The following CAVIN4 variants were observed in gnomAD, a reference collection of about 807,000 sequenced individuals.
CAVIN4 encodes the protein caveolae associated protein 4, also known as caveolae-associated protein 4.
CAVIN4 carries 10 observed loss-of-function variants against 18.6 expected under a neutral mutation model. The observed-to-expected ratio is 0.54, with a 90% CI of 0.33 to 0.91. CAVIN4 has a LOEUF of 0.91. CAVIN4 is among the 40% of genes least tolerant of loss of function. The pLI, the probability that CAVIN4 is intolerant of heterozygous loss-of-function variation, is 0.02. For synonymous variants in CAVIN4, 173 were observed against 164.8 expected (o/e 1.05, Z -0.38); for missense variants, 459 against 440.5 (o/e 1.04, Z -0.38).
At chr9:100,580,051 A>G (rs1045735392) in intron 1 of CAVIN4, among the ~76,000 whole-genome samples, 7 of 151,474 alleles carry the variant, frequency 4.6e-5, no homozygotes, top group East Asian at 3.9e-4. Flanking sequence ...CTTTCCTTTC[A>G]TGTCCCTGGA....
At position 100,583,944 on chromosome 9, in the gene CAVIN4, T is replaced by C. The variant is rs116148416; in HGVS notation, c.409-1821T>C. 6.9e-3 allele frequency among the ~76,000 whole-genome samples: 1,045 copies of C among 152,250 alleles called. 12 individuals carry two copies. Among genetic ancestry groups the C allele is most frequent in the African/African-American group, 0.023 (974 of 41,542 alleles). On this transcript the variant is annotated intron_variant, in intron 1 of 1. Coordinates refer to ENST00000307584, the MANE Select transcript of CAVIN4 (RefSeq NM_001018116.2). ...ACAGGTGTGAGCCACTGCACCCGGCTTCCTGCAAGGCTTTTAGAAGACTTC... is the reference window on the plus strand; with the variant it reads ...ACAGGTGTGAGCCACTGCACCCGGCCTCCTGCAAGGCTTTTAGAAGACTTC...
chr9:100,587,747 G>A lies in CAVIN4; in HGVS notation c.*1296G>A, dbSNP rs1031473228. On this transcript the variant is annotated 3_prime_UTR_variant, in exon 2 of 2. Transcript: ENST00000307584. ...GACTCTACTGAAAATACAAAAATTA[G>A]CTGGGCATGGTGGCATGCGCCTGTC... 1.3e-5 allele frequency: 2 copies of A among 152,208 alleles called. No individual in the cohort carries two copies. The highest frequency in any genetic ancestry group is 2.9e-5 in the Non-Finnish European group (2 of 68,100). The allele number at this position is 152,208 out of a possible 1,614,324, so 9.4% of individuals were successfully genotyped here.
Position 100,583,175 on chromosome 9 carries a change from C to T in CAVIN4, c.409-2590C>T, listed in dbSNP as rs374514079. ...CCTAAATTTGGGTGTCTAGCCCAGC[C>T]CTCTCTTCTGAATTCCAGACTCATC... On this transcript the variant is annotated intron_variant, in intron 1 of 1. Transcript: ENST00000307584. Among the ~76,000 whole-genome samples, 3 of 152,264 alleles carry T rather than the reference C, an allele frequency of 2.0e-5. No homozygotes were observed. In the East Asian group the frequency reaches 5.8e-4, roughly 29 times the overall value.
At chr9:100,581,330 C>G (rs891095835) in intron 1 of CAVIN4, 8 of 152,398 alleles carry the variant, frequency 5.2e-5, no homozygotes, top group Admixed American at 5.2e-4. Context: ...CTGAATCAAC[C>G]CTGGCAATCA....
chr9:100,581,778 G>A (rs1289300509), intron 1 of CAVIN4, among the ~76,000 whole-genome samples: 1 of 151,996 alleles, frequency 6.6e-6, no homozygotes, highest in African/African-American at 2.4e-5. Context: ...ATTAACTTTT[G>A]GCTCTTTCGT....
At chr9:100,583,383 G>T (rs779924923) in intron 1 of CAVIN4, among the ~76,000 whole-genome samples, 28 of 152,004 alleles carry the variant, frequency 1.8e-4, no homozygotes, top group Non-Finnish European at 3.5e-4. Flanking sequence ...TGACACTCTG[G>T]CACTCCACAT....
In CAVIN4 at chr9:100,585,740, A is replaced by T. The variant is rs756560735; in HGVS notation, c.409-25A>T. ...TCTATAGTGCAAAGGAAGCACTAAT[A>T]TGCTTTGTTTTTTCTCTCCTTCAGG... On this transcript the variant is annotated intron_variant, in intron 1 of 1. Transcript: ENST00000307584. The T allele has an allele frequency of 5.7e-6, 9 of 1,584,514 alleles. 1 individual carries two copies. In the Admixed American group the frequency reaches 6.7e-5, roughly 12 times the overall value.
In CAVIN4 at chr9:100,582,340, C is replaced by T. The variant is rs536690340; in HGVS notation, c.409-3425C>T. 3.9e-4 allele frequency among the ~76,000 whole-genome samples: 59 copies of T among 151,096 alleles called. No homozygotes were observed. In the East Asian group the frequency reaches 5.8e-3, roughly 15 times the overall value. On this transcript the variant is annotated intron_variant, in intron 1 of 1. Transcript: ENST00000307584. ...ATTTGACACGATTGGACCTCTTTCT[C>T]TCTCTCTCTCTCTCTCTTTTAAAGA...
Position 100,585,804 on chromosome 9 carries a change from G to A in CAVIN4, c.448G>A (p.Asp150Asn), listed in dbSNP as rs1328729739. The part of the protein sequence containing the change: ...RCPTSLSVVK[D>N]RNLTENQEED... ...TCCGACATCCCTGTCTGTTGTTAAA[G>A]ACAGAAACCTAACTGAGAACCAAGA... is the stretch of plus-strand genomic sequence containing the variant. The change falls in exon 2 of 2, where the codon GAC becomes AAC. Residue 150 changes from aspartate (D) to asparagine (N), a missense_variant. Transcript: ENST00000307584. The A allele has an allele frequency of 6.2e-7, 1 of 1,614,156 alleles. No individual in the cohort carries two copies. The highest frequency in any genetic ancestry group is 8.5e-7 in the Non-Finnish European group (1 of 1,180,036).
At chr9:100,577,995 G>T, upstream of CAVIN4, 1 of 692,194 alleles carries the variant, frequency 1.4e-6, no homozygotes, top group Non-Finnish European at 2.5e-6. Context: ...TCACATATGG[G>T]TATTTGTAGT....
chr9:100,585,914 G>T lies in CAVIN4; in HGVS notation c.558G>T (p.Arg186Ser). 6.2e-7 allele frequency: 1 copy of T among 1,614,160 alleles called. No individual in the cohort carries two copies. The highest frequency in any genetic ancestry group is 8.5e-7 in the Non-Finnish European group (1 of 1,180,036). ...EYYVEESRSA[R>S]LRKSGKEHID... ...ATGTTGAAGAAAGCAGATCTGCCAG[G>T]CTTAGGAAGTCAGGCAAGGAGCACA... The change falls in exon 2 of 2, where the codon AGG becomes AGT. Residue 186 changes from arginine to serine, a missense_variant. By Grantham distance (110) the Arg-to-Ser change is moderately radical. Coordinates refer to ENST00000307584, the MANE Select transcript of CAVIN4 (RefSeq NM_001018116.2).
rs1329938246 is a variant in CAVIN4 at position 100,586,292 on chromosome 9, T to A, written c.936T>A (p.Asp312Glu). 6.2e-7 allele frequency: 1 copy of A among 1,612,400 alleles called. No individual in the cohort carries two copies. The highest frequency in any genetic ancestry group is 8.5e-7 in the Non-Finnish European group (1 of 1,179,040). Residue 312 changes from aspartate (D) to glutamate (E), a missense_variant, in exon 2 of 2, where the codon GAT becomes GAA. By Grantham distance (45) the Asp-to-Glu change is conservative. Coordinates refer to ENST00000307584, the MANE Select transcript of CAVIN4 (RefSeq NM_001018116.2). ...SLGPISELYS[D>E]ELSEPEHEAA... ...GCCCCATCAGTGAGCTCTACTCTGA[T>A]GAGCTCAGTGAACCAGAACACGAGG...
chr9:100,585,170 C>T (rs568503941), intron 1 of CAVIN4, among the ~76,000 whole-genome samples: 7 of 151,964 alleles, frequency 4.6e-5, no homozygotes, highest in South Asian at 2.1e-4. Flanking sequence ...AGGACTGAGA[C>T]GACAAGGGCC....
rs981341413 is a variant in CAVIN4 at position 100,586,066 on chromosome 9, C to T, written c.710C>T (p.Ser237Leu). Reference protein sequence around the residue: ...TPERRERLRQSGERLRQSGER... With the variant: ...TPERRERLRQLGERLRQSGER... ...GAGAGGAGAGAGAGGCTAAGGCAGT[C>T]AGGAGAGAGGCTGAGACAGTCAGGG... The change falls in exon 2 of 2, where the codon TCA becomes TTA. Residue 237 changes from serine to leucine, a missense_variant. Coordinates refer to ENST00000307584, the MANE Select transcript of CAVIN4 (RefSeq NM_001018116.2). 1 of 1,602,814 alleles carries T rather than the reference C, an allele frequency of 6.2e-7. No individual in the cohort carries two copies. Among genetic ancestry groups the T allele is most frequent in the Admixed American group, 1.7e-5 (1 of 59,908 alleles).
chr9:100,585,275 A>G (rs534603834), intron 1 of CAVIN4, among the ~76,000 whole-genome samples: 39 of 152,190 alleles, frequency 2.6e-4, no homozygotes, highest in Non-Finnish European at 3.8e-4. Context: ...CTGGTTGGAT[A>G]TGGAATGAGA....
chr9:100,580,108 G>A (rs533399604), intron 1 of CAVIN4, among the ~76,000 whole-genome samples: 30 of 151,752 alleles, frequency 2.0e-4, no homozygotes, highest in Non-Finnish European at 4.1e-4. Context: ...AAAAAGCCTG[G>A]GCAATGTGGC....
intron 1 of CAVIN4, among the ~76,000 whole-genome samples, chr9:100,585,348 T>G (rs1839465178): frequency 6.6e-6 from 1 of 152,058 alleles, no homozygotes; most frequent in Non-Finnish European, 1.5e-5. Context: ...CCTGGATAGG[T>G]GTTAGTGCTG....
chr9:100,586,240 A>AC lies in CAVIN4; in HGVS notation c.885dup (p.Ile296HisfsTer13). 6.4e-7 allele frequency: 1 copy of AC among 1,574,650 alleles called. No individual in the cohort carries two copies. The highest frequency in any genetic ancestry group is 8.6e-7 in the Non-Finnish European group (1 of 1,160,056). ...GAATGTGCCAGGGAGATGGGTGTGGACATCATTGCCAGGAGCGAGTCTCTG... is the reference window on the plus strand; with the variant it reads ...GAATGTGCCAGGGAGATGGGTGTGGACCATCATTGCCAGGAGCGAGTCTCTG... On this transcript the variant is annotated frameshift_variant, in exon 2 of 2. Transcript: ENST00000307584.
chr9:100,578,658 A>G, intron 1 of CAVIN4, 107 bp downstream of exon 1: 1 of 1,066,184 alleles, frequency 9.4e-7, no homozygotes, highest in Non-Finnish European at 1.4e-6. Context: ...TATTGTATAT[A>G]TTAATACAAT....
Sources: gnomAD v4.1 joint callset for allele counts (sites outside exome capture counted in the v4.1 genomes callset) on GRCh38, gnomAD v4.1.1 for gene constraint, MANE v1.5 for transcripts, NCBI Gene and HGNC (gene_info 2026-07-23, HGNC 2026-07-21) for gene names.